GPHN: variants seen among roughly 807,000 people sequenced by gnomAD.
GPHN encodes gephyrin.
Under a neutral mutation model 95.5 loss-of-function variants are expected in GPHN, and 17 were observed. The observed-to-expected ratio is 0.18, with a 90% CI of 0.12 to 0.27. The LOEUF (loss-of-function observed/expected upper bound fraction) is 0.27, where lower values mean the gene tolerates loss of function less well. GPHN is among the 10% of genes least tolerant of loss of function. GPHN has a pLI of 1.00. For synonymous variants in GPHN, 320 were observed against 322.5 expected, an observed-to-expected ratio of 0.99 and a Z score of 0.08; for missense variants, 660 against 978.1, an observed-to-expected ratio of 0.67 and a Z score of 4.34.
At chr14:67,450,874 G>A in the GPHN span, among the ~76,000 whole-genome samples, 1 of 152,232 alleles carries the variant, frequency 6.6e-6, no homozygotes, top group African/African-American at 2.4e-5. Flanking sequence ...TGGGGAAAAT[G>A]TCTCCAGGGC....
intron 3 of GPHN, among the ~76,000 whole-genome samples, chr14:66,808,481 CAT>C (rs924542078): frequency 1.3e-5 from 2 of 152,320 alleles, no homozygotes; most frequent in South Asian, 2.1e-4. Context: ...CATTGTAAAA[CAT>C]AAATTCTGTA....
At chr14:67,638,620 A>C in the GPHN span, among the ~76,000 whole-genome samples, 6 of 152,154 alleles carry the variant, frequency 3.9e-5, no homozygotes, top group Non-Finnish European at 8.8e-5. Context: ...CAAATTATAG[A>C]GTTGAGTTCG....
chr14:67,625,612 G>A, the GPHN span, among the ~76,000 whole-genome samples: 1 of 150,372 alleles, frequency 6.7e-6, no homozygotes, highest in African/African-American at 2.5e-5. Flanking sequence ...CCTGGGAGGC[G>A]GAGGTTGTGA....
the GPHN span, chr14:67,646,588 G>C: frequency 2.8e-6 from 4 of 1,404,976 alleles, no homozygotes; most frequent in Non-Finnish European, 4.0e-6. Context: ...ACATGATAAT[G>C]ATCTTGGTGA....
intron 4 of GPHN, among the ~76,000 whole-genome samples, chr14:66,875,280 C>G (rs1458492330): frequency 6.6e-6 from 1 of 152,188 alleles, no homozygotes; most frequent in Non-Finnish European, 1.5e-5. Context: ...GAAGGAACAA[C>G]TGGTACCAGC....
chr14:67,637,041 G>C, the GPHN span, among the ~76,000 whole-genome samples: 3 of 152,114 alleles, frequency 2.0e-5, no homozygotes, highest in Non-Finnish European at 4.4e-5. Context: ...ATTACCCTAA[G>C]CTTCTTGAAA....
chr14:67,386,868 C>CTT, the GPHN span: 1 of 153,038 alleles, frequency 6.5e-6, no homozygotes, highest in Admixed American at 6.5e-5. Flanking sequence ...TGAACTATGT[C>CTT]TTAATGACAG....
chr14:67,560,088 G>A, the GPHN span, among the ~76,000 whole-genome samples: 21 of 152,164 alleles, frequency 1.4e-4, no homozygotes, highest in South Asian at 2.1e-4. Flanking sequence ...GTGTAGTGGC[G>A]CAATCTCGGC....
At chr14:66,934,221 A>G (rs184546912) in intron 8 of GPHN, among the ~76,000 whole-genome samples, 1,825 of 151,882 alleles carry the variant, frequency 0.012, 19 homozygotes, top group Non-Finnish European at 0.018. Flanking sequence ...TAACTCAGTT[A>G]TCTACTTCTA....
chr14:67,416,127 C>T, the GPHN span, among the ~76,000 whole-genome samples: 1 of 152,228 alleles, frequency 6.6e-6, no homozygotes. Context: ...TACCTTGAAA[C>T]TTAAGATAAT....
chr14:67,490,996 G>A, the GPHN span, among the ~76,000 whole-genome samples: 1 of 152,138 alleles, frequency 6.6e-6, no homozygotes, highest in Non-Finnish European at 1.5e-5. Context: ...TCTATCCTGA[G>A]ATAGCAGCAG....
At chr14:67,100,319 A>G (rs2077626239) in intron 12 of GPHN, among the ~76,000 whole-genome samples, 1 of 152,212 alleles carries the variant, frequency 6.6e-6, no homozygotes, top group Admixed American at 6.5e-5. Flanking sequence ...TCAAATGAAG[A>G]AAGGAATGTT....
intron 9 of GPHN, among the ~76,000 whole-genome samples, chr14:66,987,957 C>A (rs890987082): frequency 1.3e-5 from 2 of 152,028 alleles, no homozygotes; most frequent in Non-Finnish European, 2.9e-5. Context: ...GCTGGAGGAG[C>A]TCAGAGATCA....
At chr14:66,904,267 C>G (rs2065261391) in intron 5 of GPHN, among the ~76,000 whole-genome samples, 1 of 152,074 alleles carries the variant, frequency 6.6e-6, no homozygotes, top group Admixed American at 6.6e-5. Flanking sequence ...GGGAATCAAG[C>G]AGGTTGCCCC....
intron 1 of GPHN, among the ~76,000 whole-genome samples, chr14:66,657,962 T>C (rs1429220740): frequency 9.2e-5 from 14 of 152,166 alleles, no homozygotes. Context: ...TAGATAGGGA[T>C]TGCTGTGATA....
rs369681377 is a variant in GPHN at position 66,797,021 on chromosome 14, C to CTTTTTTTTTTTTTTTTT, written c.201+20505_201+20521dup. Among the ~76,000 whole-genome samples the CTTTTTTTTTTTTTTTTT allele has an allele frequency of 6.2e-4, 50 of 81,224 alleles. 2 individuals carry two copies. The highest frequency in any genetic ancestry group is 1.0e-3 in the Non-Finnish European group (40 of 38,516). The allele number at this position is 81,224 out of a possible 152,430, so 53.3% of individuals were successfully genotyped here. On this transcript the variant is annotated intron_variant, in intron 3 of 22. Coordinates refer to ENST00000478722, the MANE Select transcript of GPHN (RefSeq NM_020806.5). ...ATGGTGAGACATAGGTATCTAGTTC[C>CTTTTTTTTTTTTTTTTT]TTTTTTTTTTTTTTTTTTTTTGCAT...
intron 2 of GPHN, among the ~76,000 whole-genome samples, chr14:66,770,679 A>G (rs753707214): frequency 5.4e-4 from 83 of 152,296 alleles, no homozygotes; most frequent in Non-Finnish European, 5.4e-4. Flanking sequence ...TTCCAAAAAT[A>G]TTAATACCGT....
the GPHN span, among the ~76,000 whole-genome samples, chr14:67,524,822 G>A: frequency 6.6e-6 from 1 of 152,112 alleles, no homozygotes; most frequent in South Asian, 2.1e-4. Flanking sequence ...AAGATGTGAG[G>A]CCCCTCTGAT....
chr14:67,117,071 A>G (rs1157131670), intron 16 of GPHN, among the ~76,000 whole-genome samples: 1 of 152,240 alleles, frequency 6.6e-6, no homozygotes, highest in Non-Finnish European at 1.5e-5. Flanking sequence ...TCTAGAAGAC[A>G]GAGAAAGAAA....
Sources: gnomAD v4.1 joint callset for allele counts (sites outside exome capture counted in the v4.1 genomes callset) on GRCh38, gnomAD v4.1.1 for gene constraint, MANE v1.5 for transcripts, NCBI Gene and HGNC (gene_info 2026-07-23, HGNC 2026-07-21) for gene names.